Variants in GSG1L observed in about 807,000 individuals in gnomAD.
The protein encoded by GSG1L is GSG1 like.
Under a neutral mutation model 42.1 loss-of-function variants are expected in GSG1L, and 24 were observed. That is an observed-to-expected ratio of 0.57 (90% CI 0.41 to 0.80). The LOEUF is 0.80. GSG1L is among the 30% of genes least tolerant of loss of function. GSG1L has a pLI of 0.00. For synonymous variants in GSG1L, 215 were observed against 203.5 expected (o/e 1.06, Z -0.48); for missense variants, 445 against 472.2 (o/e 0.94, Z 0.53).
intron 1 of GSG1L, among the ~76,000 whole-genome samples, chr16:28,035,368 TTAAAA>T (rs908442345): frequency 1.3e-5 from 2 of 152,098 alleles, no homozygotes; most frequent in African/African-American, 4.8e-5. Context: ...GCCTTTTAAA[TTAAAA>T]TAAAATAGGT....
At chr16:27,854,153 G>A (rs568993495) in intron 3 of GSG1L, among the ~76,000 whole-genome samples, 4 of 151,242 alleles carry the variant, frequency 2.6e-5, no homozygotes, top group South Asian at 2.1e-4. Context: ...AAAGTTGCTC[G>A]CCTGGAGGGG....
At chr16:27,812,000 G>A (rs748962369) in intron 5 of GSG1L, among the ~76,000 whole-genome samples, 7 of 152,158 alleles carry the variant, frequency 4.6e-5, no homozygotes, top group Non-Finnish European at 8.8e-5. Flanking sequence ...CCTCAAGCTG[G>A]ACACCTGCTT....
chr16:27,803,800 G>GATATAT (rs1406574562), intron 6 of GSG1L, among the ~76,000 whole-genome samples: 31 of 74,244 alleles, frequency 4.2e-4, no homozygotes, highest in African/African-American at 1.4e-3. Context: ...TATATAGATA[G>GATATAT]ATAGATATAG....
intron 1 of GSG1L, among the ~76,000 whole-genome samples, chr16:28,060,737 C>T (rs1413297941): frequency 6.6e-6 from 1 of 152,140 alleles, no homozygotes; most frequent in East Asian, 1.9e-4. Flanking sequence ...AGCAAGTACC[C>T]TAGAAGTGTC....
intron 2 of GSG1L, among the ~76,000 whole-genome samples, chr16:27,939,065 C>CA (rs1393443839): frequency 6.6e-6 from 1 of 151,090 alleles, no homozygotes; most frequent in Non-Finnish European, 1.5e-5. Context: ...ATTCCAACTG[C>CA]AAAAAAAGAA....
chr16:27,983,420 C>T (rs1050282381), intron 1 of GSG1L, among the ~76,000 whole-genome samples: 14 of 152,220 alleles, frequency 9.2e-5, no homozygotes, highest in African/African-American at 3.4e-4. Context: ...TTATTTGTTA[C>T]AGCAGCTAGT....
intron 1 of GSG1L, among the ~76,000 whole-genome samples, chr16:27,980,857 G>C (rs1286106719): frequency 1.3e-5 from 2 of 149,674 alleles, no homozygotes; most frequent in Non-Finnish European, 3.0e-5. Context: ...CTCTAGCCTG[G>C]GCAATAGAGT....
intron 2 of GSG1L, among the ~76,000 whole-genome samples, chr16:27,951,475 G>A (rs1297727768): frequency 1.3e-5 from 2 of 152,318 alleles, no homozygotes; most frequent in African/African-American, 4.8e-5. Flanking sequence ...GGAGCATCGA[G>A]TGAGAGTAAT....
At chr16:27,962,561 G>T (rs1416366196) in intron 2 of GSG1L, among the ~76,000 whole-genome samples, 2 of 152,158 alleles carry the variant, frequency 1.3e-5, no homozygotes. Context: ...GTTCCTTAGG[G>T]TCACTATTAC....
At chr16:27,952,433 T>C (rs780692138) in intron 2 of GSG1L, among the ~76,000 whole-genome samples, 12 of 152,242 alleles carry the variant, frequency 7.9e-5, no homozygotes, top group Middle Eastern at 6.8e-3. Context: ...GAAGGATGAA[T>C]ATAAGTTTGC....
In GSG1L at chr16:27,920,329, C is replaced by T. The variant is rs1313226082; in HGVS notation, c.398-35691G>A. Among the ~76,000 whole-genome samples the T allele has an allele frequency of 2.0e-5, 3 of 152,220 alleles. No homozygotes were observed. In the East Asian group the frequency reaches 5.8e-4, roughly 29 times the overall value. On this transcript the variant is annotated intron_variant, in intron 2 of 6. Coordinates refer to ENST00000447459, the MANE Select transcript of GSG1L (RefSeq NM_001109763.2). ...CATGGCTGCCTGAGGCCAAAAAGATCCCCACTTGGACCTGAGTTGTCCGCA... is the reference window on the plus strand; with the variant it reads ...CATGGCTGCCTGAGGCCAAAAAGATTCCCACTTGGACCTGAGTTGTCCGCA...
intron 2 of GSG1L, among the ~76,000 whole-genome samples, chr16:27,928,801 C>A (rs1202478898): frequency 6.6e-6 from 1 of 152,234 alleles, no homozygotes; most frequent in Non-Finnish European, 1.5e-5. Flanking sequence ...GACCAGACAC[C>A]AGCCGGCGCT....
intron 4 of GSG1L, among the ~76,000 whole-genome samples, chr16:27,839,990 C>T (rs1237130372): frequency 1.3e-5 from 2 of 152,064 alleles, no homozygotes; most frequent in Non-Finnish European, 2.9e-5. Context: ...TGTAAAGTGC[C>T]TCCCACTGTG....
At chr16:28,007,414 G>A (rs1446873581) in intron 1 of GSG1L, among the ~76,000 whole-genome samples, 3 of 152,166 alleles carry the variant, frequency 2.0e-5, no homozygotes, top group Non-Finnish European at 4.4e-5. Flanking sequence ...GCAGCCCTGT[G>A]GATGCCTTCA....
intron 2 of GSG1L, among the ~76,000 whole-genome samples, chr16:27,960,166 G>A (rs1195191012): frequency 2.0e-5 from 3 of 152,122 alleles, no homozygotes; most frequent in East Asian, 1.9e-4. Context: ...AGCACTCACC[G>A]GACCTCAGCT....
chr16:28,009,005 C>T (rs562176483), intron 1 of GSG1L, among the ~76,000 whole-genome samples: 43 of 152,252 alleles, frequency 2.8e-4, no homozygotes, highest in Non-Finnish European at 5.0e-4. Flanking sequence ...GACAGGGTTT[C>T]GTCATGTTGG....
rs539676369 is a variant in GSG1L, at chr16:27,837,054, G to A, written c.662+7896C>T. On this transcript the variant is annotated intron_variant, in intron 4 of 6. Transcript: ENST00000447459. ...TAGAAGTCTAGGTTTCCCACTGGGC[G>A]AGTGTATTAGTCTGTGTAATTTATA... Among the ~76,000 whole-genome samples, 12 of 152,288 alleles carry A rather than the reference G, an allele frequency of 7.9e-5. 1 individual carries two copies. Among genetic ancestry groups the A allele is most frequent in the African/African-American group, 2.9e-4 (12 of 41,552 alleles).
At chr16:27,946,696 T>G (rs57504756) in intron 2 of GSG1L, among the ~76,000 whole-genome samples, 4,361 of 111,498 alleles carry the variant, frequency 0.039, 274 homozygotes, top group Non-Finnish European at 0.042. Flanking sequence ...AAGAAAGAAT[T>G]AAATGAAGCA....
At chr16:27,920,247 A>G (rs1382965867) in intron 2 of GSG1L, among the ~76,000 whole-genome samples, 5 of 152,122 alleles carry the variant, frequency 3.3e-5, no homozygotes, top group African/African-American at 7.2e-5. Context: ...GTGAGGAATC[A>G]TGGTGTGCCT....
Sources: allele counts gnomAD v4.1 joint callset (sites outside exome capture counted in the v4.1 genomes callset), GRCh38; gene constraint gnomAD v4.1.1; transcripts MANE v1.5; gene names NCBI Gene and HGNC (gene_info 2026-07-23, HGNC 2026-07-21).